Variants in TLN2 observed in about 807,000 individuals in gnomAD.
TLN2 encodes the protein talin 2.
In TLN2, 118 loss-of-function variants were observed where a neutral mutation model predicts 294.7. The ratio of observed to expected loss-of-function variants is 0.40; its 90% confidence interval spans 0.34 to 0.47. The LOEUF (loss-of-function observed/expected upper bound fraction) is 0.47, where lower values mean the gene tolerates loss of function less well. Ranked by LOEUF, TLN2 falls within the 20% of genes least tolerant of loss-of-function variation. TLN2 has a pLI of 0.84. For missense variants in TLN2, 3,083 were observed against 3,282.2 expected, an observed-to-expected ratio of 0.94 and a Z score of 1.48; for synonymous variants, 1,431 against 1,304.5, an observed-to-expected ratio of 1.10 and a Z score of -2.09.
chr15:62,462,163 G>T (rs562133702), intron 1 of TLN2, among the ~76,000 whole-genome samples: 20 of 152,232 alleles, frequency 1.3e-4, no homozygotes, highest in Non-Finnish European at 2.5e-4. Context: ...GAACCCGGGA[G>T]GCGGAGGTTG....
chr15:62,583,797 G>C (rs912797751), intron 1 of TLN2, among the ~76,000 whole-genome samples: 1 of 152,132 alleles, frequency 6.6e-6, no homozygotes, highest in Non-Finnish European at 1.5e-5. Context: ...TTGCATTCTA[G>C]TTACACCTAT....
intron 11 of TLN2, among the ~76,000 whole-genome samples, chr15:62,686,167 T>C (rs2141041584): frequency 1.3e-5 from 2 of 152,296 alleles, no homozygotes; most frequent in Middle Eastern, 3.4e-3. Context: ...AGAAATATAT[T>C]TCAGAGATTT....
chr15:62,673,310 C>CTTTTTTTTTTTTTTTTTTTTTTTTTTT lies in TLN2; in HGVS notation c.789-499_789-498insTTTTTTTTTTTTTTTTTTTTTTTTTTT, dbSNP rs56258541. 1.9e-4 allele frequency among the ~76,000 whole-genome samples: 8 copies of CTTTTTTTTTTTTTTTTTTTTTTTTTTT among 42,856 alleles called. 3 individuals are homozygous for CTTTTTTTTTTTTTTTTTTTTTTTTTTT. The highest frequency in any genetic ancestry group is 2.6e-4 in the Non-Finnish European group (6 of 23,326). 28.1% of individuals were successfully genotyped at this position (42,856 alleles called of 152,430 possible). On this transcript the variant is annotated intron_variant, in intron 9 of 58. Transcript: ENST00000636159. ...GTTTGCTTTAGATTTTTAGATGTTG[C>CTTTTTTTTTTTTTTTTTTTTTTTTTTT]TTTTTTTTTTTTTTTTTTGCAATTT...
chr15:62,748,451 C>T lies in TLN2; in HGVS notation c.4119+7C>T. 6.2e-7 allele frequency: 1 copy of T among 1,610,854 alleles called. No homozygotes were observed. Among genetic ancestry groups the T allele is most frequent in the Non-Finnish European group, 8.5e-7 (1 of 1,177,788 alleles). ...TGCCCTGCGGGAGCTCGAGGTAGGT[C>T]CCTGGGAAGGCTGCTGAGGACTTGA... On this transcript the variant is annotated splice_region_variant and intron_variant, in intron 33 of 58. Coordinates refer to ENST00000636159, the MANE Select transcript of TLN2 (RefSeq NM_015059.3).
intron 31 of TLN2, 123 bp from the exon 32 acceptor site, chr15:62,740,507 T>A: frequency 7.6e-7 from 1 of 1,308,210 alleles, no homozygotes; most frequent in Non-Finnish European, 1.1e-6. Context: ...GCGGGCTAAC[T>A]GGGTTTAATG....
intron 1 of TLN2, among the ~76,000 whole-genome samples, chr15:62,450,642 G>A (rs1024962704): frequency 2.6e-5 from 4 of 151,924 alleles, no homozygotes; most frequent in Non-Finnish European, 4.4e-5. Flanking sequence ...TGGCATGAAC[G>A]CTGATCACTG....
intron 46 of TLN2, among the ~76,000 whole-genome samples, chr15:62,794,850 T>A (rs941215727): frequency 6.6e-6 from 1 of 152,170 alleles, no homozygotes; most frequent in African/African-American, 2.4e-5. Flanking sequence ...GGTAACACAG[T>A]GACTCCCCTG....
At chr15:62,586,146 T>C (rs1229795573) in intron 1 of TLN2, among the ~76,000 whole-genome samples, 3 of 152,202 alleles carry the variant, frequency 2.0e-5, no homozygotes, top group Non-Finnish European at 4.4e-5. Flanking sequence ...TAAATCCCGA[T>C]GCATCTCCGT....
At chr15:62,510,641 G>A (rs1006028051) in intron 1 of TLN2, among the ~76,000 whole-genome samples, 6 of 152,194 alleles carry the variant, frequency 3.9e-5, no homozygotes, top group Admixed American at 6.5e-5. Context: ...TTCATGCATG[G>A]TGATGTTTTG....
intron 1 of TLN2, among the ~76,000 whole-genome samples, chr15:62,456,532 G>T (rs1360097661): frequency 6.6e-6 from 1 of 152,112 alleles, no homozygotes; most frequent in South Asian, 2.1e-4. Context: ...AATGATTCTT[G>T]GTATTCAGAA....
At chr15:62,628,115 A>G (rs1383418768) in intron 3 of TLN2, among the ~76,000 whole-genome samples, 3 of 152,230 alleles carry the variant, frequency 2.0e-5, no homozygotes, top group East Asian at 1.9e-4. Flanking sequence ...TGAGAAGTCT[A>G]AGATTACCAG....
chr15:62,534,834 C>A (rs368547568), intron 1 of TLN2, among the ~76,000 whole-genome samples: 1 of 152,134 alleles, frequency 6.6e-6, no homozygotes. Context: ...TGTCAGGAAA[C>A]TAGGAACAAG....
chr15:62,762,615 C>T (rs1353207521), intron 39 of TLN2, among the ~76,000 whole-genome samples, 162 bp downstream of exon 39: 3 of 152,218 alleles, frequency 2.0e-5, no homozygotes, highest in Non-Finnish European at 4.4e-5. Flanking sequence ...TAATTGCTAA[C>T]TTAAGTACTT....
At chr15:62,640,257 C>T (rs549536728) in intron 3 of TLN2, 4 of 456,012 alleles carry the variant, frequency 8.8e-6, no homozygotes, top group South Asian at 4.6e-5. Flanking sequence ...AGAGCTGAAT[C>T]ATTCCTGGGA....
intron 8 of TLN2, 141 bp downstream of exon 8, chr15:62,656,227 C>A: frequency 9.3e-7 from 1 of 1,076,318 alleles, no homozygotes; most frequent in East Asian, 2.5e-5. Context: ...CGTGGGTCCC[C>A]GCATGTGTTT....
At chr15:62,783,444 A>G (rs1595978846) in intron 44 of TLN2, among the ~76,000 whole-genome samples, 1 of 152,090 alleles carries the variant, frequency 6.6e-6, no homozygotes, top group African/African-American at 2.4e-5. Context: ...TGGCACACTC[A>G]CCTGCCAGAG....
chr15:62,499,814 G>C (rs2039209120), intron 1 of TLN2, among the ~76,000 whole-genome samples: 1 of 151,948 alleles, frequency 6.6e-6, no homozygotes, highest in Non-Finnish European at 1.5e-5. Flanking sequence ...TGTAGGTCAG[G>C]CTAGTCTCGA....
chr15:62,766,385 C>T lies in TLN2; in HGVS notation c.5159C>T (p.Thr1720Ile). ...GGACACCTTATCGATCCCATCGCCA[C>T]AGCGGCTCGGGGAGAAGCAGCTCAG... ...EIGHLIDPIATAARGEAAQLG... is the reference protein window; with the variant it reads ...EIGHLIDPIAIAARGEAAQLG... Residue 1720 changes from threonine (T) to isoleucine (I), a missense_variant, in exon 41 of 59, where the codon ACA becomes ATA. Transcript: ENST00000636159. 6.2e-7 allele frequency: 1 copy of T among 1,612,738 alleles called. No individual in the cohort carries two copies. The highest frequency in any genetic ancestry group is 8.5e-7 in the Non-Finnish European group (1 of 1,178,814).
intron 1 of TLN2, among the ~76,000 whole-genome samples, chr15:62,416,844 C>T (rs1426954287): frequency 6.6e-6 from 1 of 152,054 alleles, no homozygotes; most frequent in South Asian, 2.1e-4. Flanking sequence ...TGATAATTAC[C>T]TCCCCTTGCT....
Sources: allele counts gnomAD v4.1 joint callset (sites outside exome capture counted in the v4.1 genomes callset), GRCh38; gene constraint gnomAD v4.1.1; transcripts MANE v1.5; gene names NCBI Gene and HGNC (gene_info 2026-07-23, HGNC 2026-07-21).